Variants in UBAP2 observed in about 807,000 individuals in gnomAD.
UBAP2 encodes the protein ubiquitin-associated protein 2.
UBAP2 carries 75 observed loss-of-function variants against 139.6 expected under a neutral mutation model. The observed-to-expected ratio is 0.54, with a 90% CI of 0.45 to 0.65. The LOEUF is 0.65. UBAP2 is among the 30% of genes least tolerant of loss of function. The probability of loss-of-function intolerance (pLI) is 0.00; values close to 1 mark genes in which losing one functional copy is unlikely to be tolerated. For synonymous variants in UBAP2, 526 were observed against 526.2 expected (o/e 1.00, Z 0.01); for missense variants, 1,368 against 1,369.6 (o/e 1.00, Z 0.02).
intron 24 of UBAP2, 121 bp from the exon 25 acceptor site, chr9:33,923,599 T>A: frequency 1.8e-6 from 2 of 1,100,326 alleles, no homozygotes; most frequent in Non-Finnish European, 2.8e-6. Flanking sequence ...ACCTGTGTTT[T>A]CATTAGTGCA....
chr9:34,038,892 G>A (rs1453986394), intron 1 of UBAP2, among the ~76,000 whole-genome samples: 3 of 135,942 alleles, frequency 2.2e-5, no homozygotes, highest in East Asian at 2.1e-4. Context: ...CCTCTGCCCC[G>A]CCACCCCGTC....
chr9:33,927,785 T>C lies in UBAP2; in HGVS notation c.2371+12A>G. The stretch of plus-strand genomic sequence containing the variant: ...CTCAGGGGTGGGCAGGAAAGGCCTC[T>C]GGAGCAAATACCTGAGGTCACCAAG... On this transcript the variant is annotated intron_variant, in intron 20 of 28. Coordinates refer to ENST00000379238, the MANE Select transcript of UBAP2 (RefSeq NM_001370062.2). 6.2e-7 allele frequency: 1 copy of C among 1,600,488 alleles called. No homozygotes were observed. The highest frequency in any genetic ancestry group is 8.5e-7 in the Non-Finnish European group (1 of 1,174,566).
chr9:34,028,661 C>G (rs949521897), intron 1 of UBAP2, among the ~76,000 whole-genome samples: 1 of 152,032 alleles, frequency 6.6e-6, no homozygotes, highest in South Asian at 2.1e-4. Flanking sequence ...ATTACAGACA[C>G]GAGCCACTGC....
intron 2 of UBAP2, among the ~76,000 whole-genome samples, chr9:34,001,716 A>G (rs1360054530): frequency 6.6e-6 from 1 of 152,160 alleles, no homozygotes; most frequent in East Asian, 1.9e-4. Flanking sequence ...GCCTGTATGA[A>G]GAGTTTGCCT....
intron 6 of UBAP2, among the ~76,000 whole-genome samples, chr9:33,978,198 G>C (rs908827382): frequency 3.3e-5 from 5 of 151,676 alleles, no homozygotes; most frequent in Admixed American, 6.6e-5. Flanking sequence ...GTGGAACAAG[G>C]ACTCAGCAAG....
At chr9:34,033,704 A>C (rs979461465) in intron 1 of UBAP2, among the ~76,000 whole-genome samples, 2 of 151,490 alleles carry the variant, frequency 1.3e-5, no homozygotes, top group Non-Finnish European at 2.9e-5. Context: ...CAACCTCCCA[A>C]GCAGCTGCGA....
chr9:33,933,680 A>C, intron 17 of UBAP2, 52 bp from the exon 18 acceptor site: 1 of 1,597,598 alleles, frequency 6.3e-7, no homozygotes, highest in Non-Finnish European at 8.6e-7. Flanking sequence ...TTCTAAAACC[A>C]ATCCTAAGTG....
At chr9:33,947,358 T>C (rs1025703012) in intron 13 of UBAP2, among the ~76,000 whole-genome samples, 44 of 152,186 alleles carry the variant, frequency 2.9e-4, no homozygotes, top group Admixed American at 9.2e-4. Context: ...ATGTGAGTGC[T>C]GGTGGGGAAT....
intron 10 of UBAP2, among the ~76,000 whole-genome samples, chr9:33,957,942 G>T (rs10971823): frequency 0.2 from 30,690 of 152,000 alleles, 3,637 homozygotes; most frequent in East Asian, 0.55. Context: ...AAAACAGGGT[G>T]TGTGGGAAGG....
intron 8 of UBAP2, among the ~76,000 whole-genome samples, chr9:33,966,926 C>A (rs1435185947): frequency 6.6e-6 from 1 of 151,842 alleles, no homozygotes; most frequent in African/African-American, 2.4e-5. Flanking sequence ...GGAAAATTTA[C>A]ATGAGACGGA....
chr9:34,043,630 A>C (rs1827288006), intron 1 of UBAP2, among the ~76,000 whole-genome samples: 1 of 151,388 alleles, frequency 6.6e-6, no homozygotes. Flanking sequence ...AGTAGATGGG[A>C]CTCTGGGTAC....
At chr9:34,024,957 C>G (rs1231374206) in intron 1 of UBAP2, among the ~76,000 whole-genome samples, 1 of 151,730 alleles carries the variant, frequency 6.6e-6, no homozygotes, top group Non-Finnish European at 1.5e-5. Flanking sequence ...ACACTCCAAT[C>G]GGGGCGACAG....
intron 1 of UBAP2, among the ~76,000 whole-genome samples, chr9:34,026,348 C>T (rs1461264650): frequency 1.3e-5 from 2 of 151,980 alleles, no homozygotes; most frequent in Admixed American, 6.6e-5. Context: ...AATAAATTTA[C>T]GTTTCAGGAA....
At chr9:33,945,622 G>A (rs780776722) in intron 13 of UBAP2, among the ~76,000 whole-genome samples, 19 of 152,164 alleles carry the variant, frequency 1.2e-4, no homozygotes, top group Admixed American at 2.6e-4. Context: ...TTTCCTGAAT[G>A]TCTCTTTCAG....
chr9:34,023,819 C>T (rs1302752829), intron 1 of UBAP2, among the ~76,000 whole-genome samples: 4 of 151,998 alleles, frequency 2.6e-5, no homozygotes, highest in African/African-American at 7.2e-5. Flanking sequence ...CCAAGGCAGG[C>T]GGATCACGAG....
chr9:33,982,701 G>C (rs1051932310), intron 6 of UBAP2, among the ~76,000 whole-genome samples: 2 of 152,086 alleles, frequency 1.3e-5, no homozygotes, highest in Non-Finnish European at 2.9e-5. Flanking sequence ...TTGCGATTAA[G>C]AAAAACTATG....
chr9:33,948,278 TG>T, intron 13 of UBAP2, 95 bp downstream of exon 13: 1 of 1,144,758 alleles, frequency 8.7e-7, no homozygotes, highest in Non-Finnish European at 1.2e-6. Context: ...GAAACATCTC[TG>T]GACAAATTCC....
intron 16 of UBAP2, among the ~76,000 whole-genome samples, chr9:33,936,677 T>A (rs1455778789): frequency 1.3e-5 from 2 of 151,660 alleles, no homozygotes; most frequent in African/African-American, 4.9e-5. Flanking sequence ...AATAAATAAA[T>A]AAAGGAGACA....
intron 10 of UBAP2, among the ~76,000 whole-genome samples, chr9:33,957,622 A>T (rs1044510828): frequency 3.3e-5 from 5 of 152,222 alleles, no homozygotes; most frequent in Non-Finnish European, 7.3e-5. Flanking sequence ...ACCTCAACTG[A>T]CATTAATAAA....
Sources: gnomAD v4.1 joint callset for allele counts (sites outside exome capture counted in the v4.1 genomes callset) on GRCh38, gnomAD v4.1.1 for gene constraint, MANE v1.5 for transcripts, NCBI Gene and HGNC (gene_info 2026-07-23, HGNC 2026-07-21) for gene names.